The following CYP7B1 variants were observed in gnomAD, a reference collection of about 807,000 sequenced individuals.
CYP7B1 encodes cytochrome P450 family 7 subfamily B member 1.
A neutral mutation model predicts 42.7 loss-of-function variants in CYP7B1; 29 were observed. The ratio of observed to expected loss-of-function variants is 0.68; its 90% confidence interval spans 0.51 to 0.93. The LOEUF (loss-of-function observed/expected upper bound fraction) is 0.93. Ranked by LOEUF, CYP7B1 falls within the 40% of genes least tolerant of loss-of-function variation. CYP7B1 has a pLI of 0.00. For missense variants in CYP7B1, 655 were observed against 600.5 expected, an observed-to-expected ratio of 1.09 and a Z score of -0.95; for synonymous variants, 235 against 218.2, an observed-to-expected ratio of 1.08 and a Z score of -0.68.
intron 1 of CYP7B1, among the ~76,000 whole-genome samples, chr8:64,691,726 C>T (rs2129632227): frequency 6.6e-6 from 1 of 152,348 alleles, no homozygotes. Context: ...CATCTGAGCA[C>T]TGAGGCTGGA....
intron 1 of CYP7B1, among the ~76,000 whole-genome samples, chr8:64,747,904 A>T (rs1433056054): frequency 6.6e-6 from 1 of 152,106 alleles, no homozygotes; most frequent in Non-Finnish European, 1.5e-5. Context: ...AGAAAGTATG[A>T]AGTCACCCAA....
intron 1 of CYP7B1, among the ~76,000 whole-genome samples, chr8:64,633,465 C>A (rs889912249): frequency 6.6e-6 from 1 of 152,004 alleles, no homozygotes; most frequent in African/African-American, 2.4e-5. Context: ...CTGCAATGAA[C>A]AATTGGTATT....
At chr8:64,767,418 A>G (rs1804116690) in intron 1 of CYP7B1, among the ~76,000 whole-genome samples, 1 of 152,160 alleles carries the variant, frequency 6.6e-6, no homozygotes, top group African/African-American at 2.4e-5. Context: ...TTATAGAAGG[A>G]CCCCTAGTAT....
intron 1 of CYP7B1, among the ~76,000 whole-genome samples, chr8:64,643,812 T>G (rs990262249): frequency 3.9e-5 from 6 of 152,192 alleles, no homozygotes; most frequent in Non-Finnish European, 8.8e-5. Flanking sequence ...AAGAAACCAC[T>G]CTTTCTGTTT....
At position 64,798,578 on chromosome 8, in the gene CYP7B1, C is replaced by T; in HGVS notation, c.10G>A (p.Glu4Lys). 6.8e-7 allele frequency: 1 copy of T among 1,472,340 alleles called. No homozygotes were observed. Among genetic ancestry groups the T allele is most frequent in the Non-Finnish European group, 8.9e-7 (1 of 1,121,498 alleles). The allele number at this position is 1,472,340 out of a possible 1,614,324, so 91.2% of individuals were successfully genotyped here. MAG[E>K]VSAATGRFSL... ...AAGCGGCCCGTGGCCGCGGACACTT[C>T]TCCTGCCATCCGGCGCGCGCTAGGC... The change falls in exon 1 of 6, where the codon GAA becomes AAA. Residue 4 changes from glutamate to lysine, a missense_variant. Transcript: ENST00000310193.
At chr8:64,628,013 C>A (rs1805634379) in intron 1 of CYP7B1, among the ~76,000 whole-genome samples, 1 of 152,124 alleles carries the variant, frequency 6.6e-6, no homozygotes, top group Non-Finnish European at 1.5e-5. Flanking sequence ...CTGCCCATGG[C>A]TGAGTAGGGA....
intron 1 of CYP7B1, among the ~76,000 whole-genome samples, chr8:64,726,011 G>A (rs978291438): frequency 6.6e-6 from 1 of 152,124 alleles, no homozygotes; most frequent in Non-Finnish European, 1.5e-5. Flanking sequence ...CTGTTTCATG[G>A]ATATCTTGTT....
At chr8:64,740,013 T>A (rs931628113) in intron 1 of CYP7B1, among the ~76,000 whole-genome samples, 1 of 151,996 alleles carries the variant, frequency 6.6e-6, no homozygotes, top group African/African-American at 2.4e-5. Context: ...CTGCAAGAAA[T>A]GTTAAAAGAA....
chr8:64,614,151 G>A (rs1437089351), intron 4 of CYP7B1, among the ~76,000 whole-genome samples: 3 of 152,152 alleles, frequency 2.0e-5, no homozygotes, highest in Admixed American at 2.0e-4. Flanking sequence ...AACTTTGGCA[G>A]TAGAAGTTCA....
intron 1 of CYP7B1, among the ~76,000 whole-genome samples, chr8:64,685,633 C>T (rs1344980228): frequency 2.9e-5 from 1 of 34,392 alleles, no homozygotes; most frequent in Admixed American, 2.4e-4. Context: ...GCCTGGCAAC[C>T]ACCCCGTCTG....
intron 1 of CYP7B1, among the ~76,000 whole-genome samples, chr8:64,683,878 C>G (rs889573485): frequency 1.3e-5 from 2 of 152,110 alleles, no homozygotes; most frequent in Non-Finnish European, 1.5e-5. Context: ...GGTTCTTGGG[C>G]CCGGAATGTT....
intron 2 of CYP7B1, among the ~76,000 whole-genome samples, chr8:64,617,850 T>C (rs888658113): frequency 1.8e-4 from 27 of 151,880 alleles, no homozygotes; most frequent in Non-Finnish European, 3.8e-4. Context: ...AAATATGTTT[T>C]TGTTTCACAA....
At chr8:64,686,094 A>C in intron 1 of CYP7B1, among the ~76,000 whole-genome samples, 1 of 108,126 alleles carries the variant, frequency 9.2e-6, no homozygotes, top group South Asian at 3.4e-4. Flanking sequence ...CCCGTCCGGG[A>C]GGGAGGTGGG....
chr8:64,596,947 G>A lies in CYP7B1; in HGVS notation c.1234-18C>T. On this transcript the variant is annotated intron_variant, in intron 5 of 5. Coordinates refer to ENST00000310193, the MANE Select transcript of CYP7B1 (RefSeq NM_004820.5). ...CTAAACTCCTGTAAGGAAGAATAGTGTTAAAATTAACATTTTATATGAAAT... is the reference window on the plus strand; with the variant it reads ...CTAAACTCCTGTAAGGAAGAATAGTATTAAAATTAACATTTTATATGAAAT... 1.3e-6 allele frequency: 2 copies of A among 1,586,446 alleles called. No individual in the cohort carries two copies. The highest frequency in any genetic ancestry group is 1.7e-6 in the Non-Finnish European group (2 of 1,161,224).
At chr8:64,650,929 G>C (rs1027552406) in intron 1 of CYP7B1, among the ~76,000 whole-genome samples, 2 of 152,086 alleles carry the variant, frequency 1.3e-5, no homozygotes, top group Non-Finnish European at 2.9e-5. Context: ...GCTCAGACGA[G>C]GCAAATGACC....
intron 1 of CYP7B1, among the ~76,000 whole-genome samples, chr8:64,764,827 T>A (rs975205335): frequency 6.6e-6 from 1 of 152,214 alleles, no homozygotes; most frequent in African/African-American, 2.4e-5. Flanking sequence ...ATAGTGCTAT[T>A]CTGTTAGAAA....
chr8:64,740,848 C>T (rs566579983), intron 1 of CYP7B1, among the ~76,000 whole-genome samples: 296 of 152,096 alleles, frequency 1.9e-3, no homozygotes, highest in African/African-American at 6.9e-3. Context: ...AAAAAAAATC[C>T]AGTTCCTAAC....
intron 1 of CYP7B1, among the ~76,000 whole-genome samples, chr8:64,735,074 G>A (rs1420561684): frequency 6.6e-6 from 1 of 152,130 alleles, no homozygotes; most frequent in Non-Finnish European, 1.5e-5. Context: ...TGGGTCTATG[G>A]CCTGGAGACT....
chr8:64,687,510 T>C (rs918498175), intron 1 of CYP7B1, among the ~76,000 whole-genome samples: 1 of 152,182 alleles, frequency 6.6e-6, no homozygotes, highest in Non-Finnish European at 1.5e-5. Context: ...ACCTGATGAA[T>C]TGTACACTTG....
Sources: gnomAD v4.1 joint callset for allele counts (sites outside exome capture counted in the v4.1 genomes callset) on GRCh38, gnomAD v4.1.1 for gene constraint, MANE v1.5 for transcripts, NCBI Gene and HGNC (gene_info 2026-07-23, HGNC 2026-07-21) for gene names.